KCNG2: variants seen among roughly 807,000 people sequenced by gnomAD.
The protein encoded by KCNG2 is voltage-gated potassium channel regulatory subunit KCNG2.
In KCNG2, 7 loss-of-function variants were observed where a neutral mutation model predicts 12.3. The ratio of observed to expected loss-of-function variants is 0.57; its 90% CI spans 0.32 to 1.07. The LOEUF is 1.07. Ranked by LOEUF, KCNG2 falls within the 50% of genes least tolerant of loss-of-function variation. KCNG2 has a pLI of 0.04. For missense variants in KCNG2, 703 were observed against 726.0 expected, an observed-to-expected ratio of 0.97 and a Z score of 0.36; for synonymous variants, 414 against 351.4, an observed-to-expected ratio of 1.18 and a Z score of -1.99.
chr18:79,818,650 C>G (rs1017621502), intron 1 of KCNG2, among the ~76,000 whole-genome samples: 1 of 152,220 alleles, frequency 6.6e-6, no homozygotes, highest in South Asian at 2.1e-4. Flanking sequence ...GGAAACTGCT[C>G]GTTCAAGGGC....
At chr18:79,852,549 GCCCAGTTC>G in intron 1 of KCNG2, among the ~76,000 whole-genome samples, 1 of 152,370 alleles carries the variant, frequency 6.6e-6, no homozygotes, top group African/African-American at 2.4e-5. Context: ...GCCACTGGGA[GCCCAGTTC>G]CAGCCTCCTT....
At chr18:79,851,231 TTTTC>T (rs1443126732) in intron 1 of KCNG2, among the ~76,000 whole-genome samples, 4 of 152,188 alleles carry the variant, frequency 2.6e-5, no homozygotes, top group Non-Finnish European at 4.4e-5. Flanking sequence ...AAAGGATTGA[TTTTC>T]TTTATTAGTA....
chr18:79,862,714 C>T (rs983411794), intron 2 of KCNG2, among the ~76,000 whole-genome samples: 4 of 152,244 alleles, frequency 2.6e-5, no homozygotes, highest in African/African-American at 9.6e-5. Context: ...AACCATAATC[C>T]ATTGCCTCAG....
At chr18:79,839,922 C>T (rs769647128) in intron 1 of KCNG2, among the ~76,000 whole-genome samples, 6 of 152,102 alleles carry the variant, frequency 3.9e-5, no homozygotes, top group African/African-American at 7.2e-5. Context: ...TTAAATAACA[C>T]CTCTTTTGAT....
At chr18:79,844,481 T>C (rs1028976405) in intron 1 of KCNG2, among the ~76,000 whole-genome samples, 4 of 152,212 alleles carry the variant, frequency 2.6e-5, no homozygotes, top group Non-Finnish European at 5.9e-5. Context: ...ACATGCAGCA[T>C]GGTGACTATA....
At position 79,899,135 on chromosome 18, in the gene KCNG2, C is replaced by T. The variant is rs537830721; in HGVS notation, c.720C>T (p.Ala240=). 68 of 1,607,718 alleles carry T rather than the reference C, an allele frequency of 4.2e-5. No individual in the cohort carries two copies. The South Asian group carries it at 6.6e-4, about 16-fold the overall frequency. Residue 240 remains alanine (A), a synonymous_variant, in exon 4 of 4, where the codon GCC becomes GCT. Coordinates refer to ENST00000316249, the MANE Select transcript of KCNG2 (RefSeq NM_012283.2). The part of the protein sequence containing the change: ...SFEFLLRSLQ[A]ESKCAFLRAP... ...AGTTCCTGCTGCGCTCCCTGCAGGC[C>T]GAGAGCAAGTGCGCCTTCCTGCGCG... is the stretch of plus-strand genomic sequence containing the variant.
chr18:79,885,249 C>G (rs894073982), intron 3 of KCNG2, among the ~76,000 whole-genome samples: 1 of 152,208 alleles, frequency 6.6e-6, no homozygotes, highest in Non-Finnish European at 1.5e-5. Flanking sequence ...AAAAGCCAAA[C>G]AATCTAGAGG....
chr18:79,897,347 T>C (rs1260139635), intron 3 of KCNG2, among the ~76,000 whole-genome samples: 1 of 152,246 alleles, frequency 6.6e-6, no homozygotes, highest in Non-Finnish European at 1.5e-5. Flanking sequence ...AATCTACTTT[T>C]AAGCTTTTCT....
intron 3 of KCNG2, among the ~76,000 whole-genome samples, chr18:79,887,545 G>A (rs1289922004): frequency 6.6e-6 from 1 of 152,156 alleles, no homozygotes. Context: ...CACCTCCTGA[G>A]CTGAGAACTT....
intron 2 of KCNG2, among the ~76,000 whole-genome samples, chr18:79,859,158 A>T (rs1454349647): frequency 6.6e-6 from 1 of 152,130 alleles, no homozygotes; most frequent in East Asian, 1.9e-4. Flanking sequence ...GGTCATGAAG[A>T]TGTACAGTCT....
At chr18:79,801,927 C>T (rs547593738) in intron 1 of KCNG2, among the ~76,000 whole-genome samples, 33 of 152,314 alleles carry the variant, frequency 2.2e-4, no homozygotes, top group Non-Finnish European at 3.4e-4. Flanking sequence ...AATGGGAAGC[C>T]ACTTAGCCAG....
intron 1 of KCNG2, among the ~76,000 whole-genome samples, chr18:79,849,454 T>C (rs1020771886): frequency 5.9e-5 from 9 of 152,164 alleles, no homozygotes; most frequent in Non-Finnish European, 1.3e-4. Context: ...GGCAGGTGCG[T>C]CCGACCTCAT....
Position 79,850,495 on chromosome 18 carries a change from T to G in KCNG2, c.-114-5884T>G, listed in dbSNP as rs187405711. 2.6e-3 allele frequency among the ~76,000 whole-genome samples: 397 copies of G among 152,372 alleles called. 1 individual carries two copies. Among genetic ancestry groups the G allele is most frequent in the Non-Finnish European group, 4.8e-3 (329 of 68,038 alleles). Reference sequence around the variant, plus strand: ...TATTTCTGAAGTCAATTCTAGTCCATGTTTTATTGTCTTTATTGGCATGAA... The same window carrying G: ...TATTTCTGAAGTCAATTCTAGTCCAGGTTTTATTGTCTTTATTGGCATGAA... On this transcript the variant is annotated intron_variant, in intron 1 of 3. Coordinates refer to ENST00000316249, the MANE Select transcript of KCNG2 (RefSeq NM_012283.2).
intron 3 of KCNG2, among the ~76,000 whole-genome samples, chr18:79,887,944 C>T (rs1322653276): frequency 6.6e-6 from 1 of 152,080 alleles, no homozygotes. Flanking sequence ...GGATGTCTGA[C>T]GAGGCCACCG....
Position 79,800,153 on chromosome 18 carries a change from G to A in KCNG2, c.-115+2139G>A, listed in dbSNP as rs1160424462. On this transcript the variant is annotated intron_variant, in intron 1 of 3. Coordinates refer to ENST00000316249, the MANE Select transcript of KCNG2 (RefSeq NM_012283.2). The surrounding 1 kb of genome is among the most constrained non-coding windows in gnomAD (Gnocchi z 4.0). Reference sequence around the variant, plus strand: ...CTGCAGCCCTGGCAGGCGTGGGGGCGGGAGTGAAGGGAGCAGATGGGGCTG... The same window carrying A: ...CTGCAGCCCTGGCAGGCGTGGGGGCAGGAGTGAAGGGAGCAGATGGGGCTG... Among the ~76,000 whole-genome samples the A allele has an allele frequency of 6.6e-6, 1 of 152,136 alleles. No homozygotes were observed. Among genetic ancestry groups the A allele is most frequent in the African/African-American group, 2.4e-5 (1 of 41,416 alleles).
intron 1 of KCNG2, among the ~76,000 whole-genome samples, chr18:79,813,537 A>G (rs538189030): frequency 6.6e-6 from 1 of 152,358 alleles, no homozygotes; most frequent in South Asian, 2.1e-4. Context: ...TTGGTCATCC[A>G]TGGGTGGGGT....
intron 1 of KCNG2, among the ~76,000 whole-genome samples, chr18:79,842,421 T>C (rs1978488718): frequency 6.6e-6 from 1 of 152,140 alleles, no homozygotes; most frequent in South Asian, 2.1e-4. Context: ...CTTTAAATAC[T>C]CAGATACCAA....
rs1205814999 is a variant in KCNG2 at position 79,899,960 on chromosome 18, C to T, written c.*144C>T. On this transcript the variant is annotated 3_prime_UTR_variant, in exon 4 of 4. Coordinates refer to ENST00000316249, the MANE Select transcript of KCNG2 (RefSeq NM_012283.2). ...CCTCGGCCCTCGTGCGTGAGCAGCC[C>T]CAGAACTTGGCGGGGCCCTGCCTGA... 6.7e-6 allele frequency: 5 copies of T among 749,972 alleles called. 1 individual carries two copies. The highest frequency in any genetic ancestry group is 9.1e-6 in the Non-Finnish European group (5 of 549,098). The allele number at this position is 749,972 out of a possible 1,614,324, so 46.5% of individuals were successfully genotyped here.
At chr18:79,837,632 A>G (rs1275442180) in intron 1 of KCNG2, among the ~76,000 whole-genome samples, 1 of 152,242 alleles carries the variant, frequency 6.6e-6, no homozygotes. Flanking sequence ...ACCCTACTGC[A>G]GTTCTTAATA....
Sources: gnomAD v4.1 joint callset for allele counts (sites outside exome capture counted in the v4.1 genomes callset) on GRCh38, gnomAD v4.1.1 for gene constraint, Gnocchi (gnomAD v3.1) non-coding constraint, MANE v1.5 for transcripts, NCBI Gene and HGNC (gene_info 2026-07-23, HGNC 2026-07-21) for gene names.